Variants in BIRC6 observed in about 807,000 individuals in gnomAD.
The protein encoded by BIRC6 is dual E2 ubiquitin-conjugating enzyme/E3 ubiquitin-protein ligase BIRC6.
BIRC6 carries 98 observed loss-of-function variants against 503.3 expected under a neutral mutation model. That is an observed-to-expected ratio of 0.19 (90% CI 0.17 to 0.23). The LOEUF is 0.23. Ranked by LOEUF, BIRC6 falls within the 10% of genes least tolerant of loss-of-function variation. The pLI is 1.00. For missense variants in BIRC6, 5,360 were observed against 5,806.0 expected, an observed-to-expected ratio of 0.92 and a Z score of 2.50; for synonymous variants, 2,240 against 2,078.7, an observed-to-expected ratio of 1.08 and a Z score of -2.11.
chr2:32,381,328 C>T (rs573030657), intron 3 of BIRC6, among the ~76,000 whole-genome samples: 24 of 152,286 alleles, frequency 1.6e-4, no homozygotes, highest in South Asian at 2.1e-4. Context: ...CAACCTCTGC[C>T]TCCCGGGTTC....
intron 1 of BIRC6, among the ~76,000 whole-genome samples, chr2:32,359,502 T>C (rs1446573044): frequency 1.3e-5 from 2 of 152,134 alleles, no homozygotes; most frequent in Non-Finnish European, 2.9e-5. Flanking sequence ...ATAAGTAAAA[T>C]GTAGCATTGA....
chr2:32,505,705 T>G (rs2053719927), intron 50 of BIRC6, among the ~76,000 whole-genome samples: 1 of 152,222 alleles, frequency 6.6e-6, no homozygotes, highest in African/African-American at 2.4e-5. Context: ...GTCAGTATCC[T>G]TGTAATATTG....
Position 32,415,846 on chromosome 2 carries a change from C to T in BIRC6, c.2555C>T (p.Pro852Leu). 2 of 1,613,812 alleles carry T rather than the reference C, an allele frequency of 1.2e-6. No individual in the cohort carries two copies. The highest frequency in any genetic ancestry group is 1.7e-6 in the Non-Finnish European group (2 of 1,179,868). The change falls in exon 10 of 74, where the codon CCC becomes CTC. Residue 852 changes from proline (P) to leucine (L), a missense_variant. This residue lies in a region of BIRC6 where 700 missense variants were observed against 739.3 expected (regional missense o/e 0.95). Coordinates refer to ENST00000421745, the MANE Select transcript of BIRC6 (RefSeq NM_016252.4). ...ATAAAAATACAACATATCAAAGATC[C>T]CCAGGACACAATTACCTCGCTCATT... The part of the protein sequence containing the change: ...EPIKIQHIKD[P>L]QDTITSLILL...
intron 31 of BIRC6, among the ~76,000 whole-genome samples, chr2:32,470,793 C>T (rs1338785884): frequency 1.3e-5 from 2 of 152,128 alleles, no homozygotes; most frequent in Non-Finnish European, 2.9e-5. Context: ...TTAATCTGTT[C>T]TTATACCTTG....
chr2:32,456,118 T>G (rs1227978512), intron 23 of BIRC6, among the ~76,000 whole-genome samples: 1 of 152,212 alleles, frequency 6.6e-6, no homozygotes, highest in Non-Finnish European at 1.5e-5. Context: ...TCGTGACCAC[T>G]TCCATTTATT....
chr2:32,461,007 C>CTT (rs2047845893), intron 23 of BIRC6, among the ~76,000 whole-genome samples: 1 of 36,214 alleles, frequency 2.8e-5, no homozygotes, highest in African/African-American at 9.7e-5. Flanking sequence ...GCTCTCTTCT[C>CTT]TTCTCTTCTC....
At chr2:32,502,756 G>C (rs763320550) in intron 47 of BIRC6, 39 bp from the exon 48 acceptor site, 2 of 1,474,466 alleles carry the variant, frequency 1.4e-6, no homozygotes, top group Non-Finnish European at 1.9e-6. Flanking sequence ...TTATTCACAG[G>C]AATATATAAA....
chr2:32,470,533 C>G (rs927127316), intron 31 of BIRC6, among the ~76,000 whole-genome samples: 16 of 152,072 alleles, frequency 1.1e-4, no homozygotes, highest in African/African-American at 3.9e-4. Flanking sequence ...TTTTCCTGTA[C>G]TATTATAACT....
At chr2:32,380,353 C>T in intron 3 of BIRC6, 63 bp downstream of exon 3, 4 of 1,482,282 alleles carry the variant, frequency 2.7e-6, no homozygotes, top group Non-Finnish European at 3.6e-6. Context: ...CATTCTTTTG[C>T]ACTTTCCTTT....
chr2:32,482,664 T>C lies in BIRC6; in HGVS notation c.7696+82T>C, dbSNP rs1311139595. On this transcript the variant is annotated intron_variant, in intron 39 of 73. Coordinates refer to ENST00000421745, the MANE Select transcript of BIRC6 (RefSeq NM_016252.4). ...TATGTATACTTTGTCCCTTGAGAAG[T>C]TGAGCCTGGGTGTATGCCAGTGGGT... 5 of 1,491,086 alleles carry C rather than the reference T, an allele frequency of 3.4e-6. No individual in the cohort carries two copies. The East Asian group carries it at 9.4e-5, about 28-fold the overall frequency. The allele number at this position is 1,491,086 out of a possible 1,614,324, so 92.4% of individuals were successfully genotyped here. A position where few individuals can be genotyped will look rare whatever the true frequency, so the allele number is the denominator to read the frequency against.
chr2:32,446,736 C>CTGTTTT (rs2045984342), intron 21 of BIRC6, among the ~76,000 whole-genome samples: 1 of 75,878 alleles, frequency 1.3e-5, no homozygotes, highest in African/African-American at 5.0e-5. Context: ...TCCCTCTGCG[C>CTGTTTT]TGTTTTTTTT....
At chr2:32,532,029 T>C (rs780365578) in intron 61 of BIRC6, 7 of 486,632 alleles carry the variant, frequency 1.4e-5, no homozygotes, top group African/African-American at 5.9e-5. Context: ...GTGCTTTCCA[T>C]GCTCTTGTAT....
In BIRC6 at chr2:32,597,952, G is replaced by A. The variant is rs1385994977; in HGVS notation, c.13814G>A (p.Arg4605Gln). ...SSVFVRCDEE[R>Q]LDIMKVLITG... is the part of the protein sequence containing the mutation. ...GTGTTTGTACGCTGTGATGAGGAGC[G>A]ACTTGATATCATGAAGGTAAAAAAT... Residue 4605 changes from arginine to glutamine, a missense_variant, in exon 69 of 74, where the codon CGA becomes CAA. This residue lies in a region of BIRC6 where 66 missense variants were observed against 113.2 expected (regional missense o/e 0.58). Transcript: ENST00000421745. 1.2e-6 allele frequency: 2 copies of A among 1,611,656 alleles called. No individual in the cohort carries two copies. Among genetic ancestry groups the A allele is most frequent in the Non-Finnish European group, 8.5e-7 (1 of 1,179,578 alleles).
rs541249638 is a variant in BIRC6 at position 32,397,208 on chromosome 2, C to T, written c.1034+1615C>T. 1.3e-4 allele frequency among the ~76,000 whole-genome samples: 19 copies of T among 151,710 alleles called. No individual in the cohort carries two copies. The South Asian group carries it at 2.9e-3, about 23-fold the overall frequency. On this transcript the variant is annotated intron_variant, in intron 6 of 73. Coordinates refer to ENST00000421745, the MANE Select transcript of BIRC6 (RefSeq NM_016252.4). The stretch of plus-strand genomic sequence containing the variant: ...GCTGTGGGCCAGGCATGGTGGCTCA[C>T]GCCTATAATCCCAGCACTTTGGGAG...
chr2:32,600,905 A>T (rs1371552825), intron 70 of BIRC6, among the ~76,000 whole-genome samples: 1 of 152,192 alleles, frequency 6.6e-6, no homozygotes, highest in Non-Finnish European at 1.5e-5. Flanking sequence ...AGGGCTGTCC[A>T]ATGTTTTGGC....
chr2:32,447,383 T>C (rs1574273061), intron 21 of BIRC6, among the ~76,000 whole-genome samples: 1 of 150,392 alleles, frequency 6.6e-6, no homozygotes, highest in East Asian at 2.0e-4. Context: ...GGCGGGGGGC[T>C]GATCCCCCCA....
intron 66 of BIRC6, among the ~76,000 whole-genome samples, chr2:32,576,490 T>C (rs1182949050): frequency 6.6e-6 from 1 of 152,256 alleles, no homozygotes; most frequent in Admixed American, 6.5e-5. Flanking sequence ...TTTTGAAGCA[T>C]TTATACTGTT....
chr2:32,519,776 C>A (rs1052179974), intron 57 of BIRC6, among the ~76,000 whole-genome samples: 1 of 152,152 alleles, frequency 6.6e-6, no homozygotes, highest in African/African-American at 2.4e-5. Flanking sequence ...CCTCGGCCTC[C>A]CAAATTGCTG....
At chr2:32,485,372 G>T (rs771272110) in intron 39 of BIRC6, among the ~76,000 whole-genome samples, 2 of 152,090 alleles carry the variant, frequency 1.3e-5, no homozygotes, top group African/African-American at 2.4e-5. Flanking sequence ...TGAGAAACCT[G>T]GTTCTCATTA....
Sources: allele counts gnomAD v4.1 joint callset (sites outside exome capture counted in the v4.1 genomes callset), GRCh38; gene constraint gnomAD v4.1.1; regional missense constraint gnomAD v4.1.1; transcripts MANE v1.5; gene names NCBI Gene and HGNC (gene_info 2026-07-23, HGNC 2026-07-21).